Variants in JPH3 observed in about 807,000 individuals in gnomAD.
JPH3 encodes the protein junctophilin 3.
In JPH3, 11 loss-of-function variants were observed where a neutral mutation model predicts 59.6. The ratio of observed to expected loss-of-function variants is 0.18; its 90% CI spans 0.12 to 0.31. JPH3 has a LOEUF of 0.31. Ranked by LOEUF, JPH3 falls within the 10% of genes least tolerant of loss-of-function variation. The pLI is 1.00. For missense variants in JPH3, 1,202 were observed against 1,105.7 expected (o/e 1.09, Z -1.24); for synonymous variants, 673 against 483.6 (o/e 1.39, Z -5.14).
intron 2 of JPH3, among the ~76,000 whole-genome samples, chr16:87,647,169 A>T (rs1176682559): frequency 6.7e-6 from 1 of 150,004 alleles, no homozygotes; most frequent in East Asian, 2.0e-4. Context: ...GCTGGGGGAG[A>T]TGCCTACGTA....
chr16:87,633,237 GCC>G (rs1253736632), intron 1 of JPH3, among the ~76,000 whole-genome samples: 1 of 152,004 alleles, frequency 6.6e-6, no homozygotes, highest in African/African-American at 2.4e-5. Flanking sequence ...CCCTCTGTAT[GCC>G]TCTGAGTCCC....
At chr16:87,661,462 G>C (rs1023207067) in intron 2 of JPH3, among the ~76,000 whole-genome samples, 1 of 152,240 alleles carries the variant, frequency 6.6e-6, no homozygotes, top group Non-Finnish European at 1.5e-5. Flanking sequence ...ACTCTCTTTA[G>C]GGGGAGCAAA....
At chr16:87,639,641 C>CTCCT (rs1567593553) in intron 1 of JPH3, among the ~76,000 whole-genome samples, 2 of 149,690 alleles carry the variant, frequency 1.3e-5, no homozygotes, top group Admixed American at 6.6e-5. Flanking sequence ...CCTGGCCTCC[C>CTCCT]GCCTGTCCTC....
At position 87,686,575 on chromosome 16, in the gene JPH3, G is replaced by C. The variant is rs564085682; in HGVS notation, c.1285+2309G>C. ...GCTTCCTCGAGGGCTCAGTCCTGGA[G>C]TCAGAGATGCTTCCTGGAGGGCTCA... On this transcript the variant is annotated intron_variant, in intron 3 of 4. Transcript: ENST00000284262. Among the ~76,000 whole-genome samples, 34 of 148,232 alleles carry C rather than the reference G, an allele frequency of 2.3e-4. 1 individual carries two copies. Among genetic ancestry groups the C allele is most frequent in the African/African-American group, 8.5e-4 (34 of 39,874 alleles).
chr16:87,628,243 G>T (rs2031448022), intron 1 of JPH3, among the ~76,000 whole-genome samples: 3 of 152,274 alleles, frequency 2.0e-5, no homozygotes, highest in Non-Finnish European at 1.5e-5. Flanking sequence ...GATGGTGCTG[G>T]CATGGGCGGG....
chr16:87,676,993 A>G (rs2150870040), intron 2 of JPH3, among the ~76,000 whole-genome samples: 1 of 151,788 alleles, frequency 6.6e-6, no homozygotes, highest in East Asian at 1.9e-4. Flanking sequence ...CCCCGTCTCT[A>G]CTAAGAATAC....
intron 2 of JPH3, 55 bp downstream of exon 2, chr16:87,645,090 G>C (rs560646236): frequency 6.5e-7 from 1 of 1,538,580 alleles, no homozygotes; most frequent in Admixed American, 1.8e-5. Flanking sequence ...GTGTTTGTGA[G>C]CCCAGTCTGT....
intron 4 of JPH3, among the ~76,000 whole-genome samples, chr16:87,693,156 A>G (rs577032258): frequency 6.6e-6 from 1 of 152,324 alleles, no homozygotes; most frequent in African/African-American, 2.4e-5. Context: ...GGCTGAGTGG[A>G]GGCCCTTGCT....
intron 2 of JPH3, among the ~76,000 whole-genome samples, chr16:87,661,169 G>A (rs2032689757): frequency 1.3e-5 from 2 of 152,154 alleles, no homozygotes; most frequent in African/African-American, 2.4e-5. Context: ...TCCACCTTCA[G>A]AGCCAGCGGG....
intron 1 of JPH3, among the ~76,000 whole-genome samples, chr16:87,616,743 G>A (rs2562066): frequency 0.87 from 133,083 of 152,196 alleles, 58,414 homozygotes; most frequent in East Asian, 1. Flanking sequence ...CCCGCGCCCC[G>A]GGGTCCCTTG....
intron 1 of JPH3, among the ~76,000 whole-genome samples, chr16:87,609,133 A>G (rs2150821378): frequency 6.6e-6 from 1 of 152,180 alleles, no homozygotes. Context: ...CTATGTTTTC[A>G]CCCCTACCCT....
chr16:87,644,223 G>T (rs1372143451), intron 1 of JPH3, 35 bp from the exon 2 acceptor site: 1 of 1,568,380 alleles, frequency 6.4e-7, no homozygotes, highest in Admixed American at 1.8e-5. Flanking sequence ...CTCCTCTGTC[G>T]CTGGGCACTC....
chr16:87,677,178 A>G (rs2033163673), intron 2 of JPH3, among the ~76,000 whole-genome samples: 1 of 80,820 alleles, frequency 1.2e-5, no homozygotes, highest in Non-Finnish European at 2.3e-5. Flanking sequence ...CACGCACTAT[A>G]TATATATACA....
At chr16:87,685,665 C>T (rs911039892) in intron 3 of JPH3, among the ~76,000 whole-genome samples, 20 of 152,256 alleles carry the variant, frequency 1.3e-4, no homozygotes. Flanking sequence ...TGGGCCACTC[C>T]ACGCAGAATG....
In JPH3 at chr16:87,628,341, C is replaced by T. The variant is rs535449953; in HGVS notation, c.383-15917C>T. Among the ~76,000 whole-genome samples the T allele has an allele frequency of 6.9e-3, 1,047 of 152,380 alleles. 6 individuals carry two copies. The highest frequency in any genetic ancestry group is 0.011 in the Non-Finnish European group (724 of 68,034). ...CCCATGCTGGGCACAGGGCTGCCAC[C>T]TTGGGCGGTGCCCTCCCTAGCTGCC... On this transcript the variant is annotated intron_variant, in intron 1 of 4. Transcript: ENST00000284262.
chr16:87,684,149 C>T lies in JPH3; in HGVS notation c.1168C>T (p.His390Tyr). 6.2e-7 allele frequency: 1 copy of T among 1,613,560 alleles called. No homozygotes were observed. Among genetic ancestry groups the T allele is most frequent in the Non-Finnish European group, 8.5e-7 (1 of 1,179,952 alleles). ...KAEIAASRTS[H>Y]SRAKAEAALT... ...CCTCCCTGTCTCCCCCAGGACCTCC[C>T]ACTCTCGGGCAAAGGCCGAGGCAGC... Residue 390 changes from histidine to tyrosine, a missense_variant, in exon 3 of 5, where the codon CAC (histidine) becomes TAC (tyrosine). Transcript: ENST00000284262.
intron 2 of JPH3, among the ~76,000 whole-genome samples, chr16:87,662,463 T>C (rs969305498): frequency 1.3e-5 from 2 of 151,328 alleles, no homozygotes; most frequent in African/African-American, 4.9e-5. Flanking sequence ...AGGGCCTGGG[T>C]TTATTTTGTG....
At position 87,644,754 on chromosome 16, in the gene JPH3, G is replaced by C; in HGVS notation, c.879G>C (p.Lys293Asn). 1 of 1,613,218 alleles carries C rather than the reference G, an allele frequency of 6.2e-7. No individual in the cohort carries two copies. Among genetic ancestry groups the C allele is most frequent in the East Asian group, 2.2e-5 (1 of 44,820 alleles). The change falls in exon 2 of 5, where the codon AAG becomes AAC. Residue 293 changes from lysine (K) to asparagine (N), a missense_variant. By Grantham distance (94) the Lys-to-Asn change is moderately conservative. Coordinates refer to ENST00000284262, the MANE Select transcript of JPH3 (RefSeq NM_020655.4). ...CCGAGACCTACGTGGGCGAGTGGAA[G>C]AACGACAAACGCTCCGGCTTCGGCG... ...TTTETYVGEWKNDKRSGFGVS... is the reference protein window; with the variant it reads ...TTTETYVGEWNNDKRSGFGVS...
rs1344963880 is a variant in JPH3 at position 87,684,245 on chromosome 16, T to C, written c.1264T>C (p.Ser422Pro). ...GATCACTGCCAAAGAGTTCTCCCCT[T>C]CCTTCCAGCACCGGGAAAACGGTGA... is the stretch of plus-strand genomic sequence containing the variant. The part of the protein sequence containing the change: ...ARITAKEFSP[S>P]FQHRENGLEY... Residue 422 changes from serine (S) to proline (P), a missense_variant, in exon 3 of 5, where the codon TCC becomes CCC. By Grantham distance (74) the Ser-to-Pro change is moderately conservative. Coordinates refer to ENST00000284262, the MANE Select transcript of JPH3 (RefSeq NM_020655.4). 1 of 1,613,922 alleles carries C rather than the reference T, an allele frequency of 6.2e-7. No individual in the cohort carries two copies.
Sources: allele counts gnomAD v4.1 joint callset (sites outside exome capture counted in the v4.1 genomes callset), GRCh38; gene constraint gnomAD v4.1.1; transcripts MANE v1.5; gene names NCBI Gene and HGNC (gene_info 2026-07-23, HGNC 2026-07-21).